The following TK1 variants were observed in gnomAD, a reference collection of about 807,000 sequenced individuals.
TK1 encodes the protein thymidine kinase 1, also known as thymidine kinase, cytosolic.
TK1 carries 13 observed loss-of-function variants against 22.4 expected under a neutral mutation model. The ratio of observed to expected loss-of-function variants is 0.58; its 90% CI spans 0.38 to 0.92. The LOEUF is 0.92. Ranked by LOEUF, TK1 falls within the 40% of genes least tolerant of loss-of-function variation. TK1 has a pLI of 0.00. For synonymous variants in TK1, 134 were observed against 125.4 expected (o/e 1.07, Z -0.46); for missense variants, 251 against 315.7 (o/e 0.80, Z 1.55).
intron 4 of TK1, among the ~76,000 whole-genome samples, chr17:78,180,272 G>A (rs868263609): frequency 1.7e-4 from 26 of 152,206 alleles, no homozygotes; most frequent in African/African-American, 5.1e-4. Context: ...AAGCCGCCTC[G>A]TGGGCGGCCT....
At chr17:78,182,384 A>AG (rs972638335) in intron 4 of TK1, among the ~76,000 whole-genome samples, 1 of 152,076 alleles carries the variant, frequency 6.6e-6, no homozygotes, top group Non-Finnish European at 1.5e-5. Flanking sequence ...AAAAAAAAAA[A>AG]AAAAAGTAAA....
In TK1 at chr17:78,182,626, AG is replaced by A; in HGVS notation, c.265del (p.Leu89TrpfsTer6). 1 of 1,596,208 alleles carries A rather than the reference AG, an allele frequency of 6.3e-7. No individual in the cohort carries two copies. The highest frequency in any genetic ancestry group is 8.5e-7 in the Non-Finnish European group (1 of 1,172,438). On this transcript the variant is annotated frameshift_variant, in exon 4 of 7. Coordinates refer to ENST00000301634, the MANE Select transcript of TK1 (RefSeq NM_003258.5). LOFTEE classifies it high-confidence loss of function. ...CLLRDVAQEA[L>X]GVAVIGIDEG... The stretch of plus-strand genomic sequence containing the variant: ...GTCGATGCCTATGACAGCCACGCCC[AG>A]GGCCTCCTGGGCCACGTCTCGGAGC...
chr17:78,183,560 G>A (rs1052724699), intron 3 of TK1, among the ~76,000 whole-genome samples: 1 of 152,078 alleles, frequency 6.6e-6, no homozygotes, highest in African/African-American at 2.4e-5. Context: ...GTGTGGTGGT[G>A]TGCGCCTGTA....
intron 4 of TK1, chr17:78,179,484 A>G: frequency 1.0e-6 from 1 of 985,432 alleles, no homozygotes; most frequent in Non-Finnish European, 1.2e-6. Context: ...GTGGTCGGGA[A>G]CCCAGAGCGG....
At chr17:78,181,372 C>T (rs183303259) in intron 4 of TK1, among the ~76,000 whole-genome samples, 469 of 152,126 alleles carry the variant, frequency 3.1e-3, no homozygotes, top group Admixed American at 7.7e-3. Flanking sequence ...ACATGGTGAA[C>T]CCTTGTCTCT....
intron 2 of TK1, 137 bp from the exon 3 acceptor site, chr17:78,185,302 C>G: frequency 1.6e-6 from 1 of 642,838 alleles, no homozygotes; most frequent in Non-Finnish European, 2.8e-6. Context: ...AAGAGCAGGG[C>G]AGAGCAGGCA....
rs760056268 is a variant in TK1 at position 78,174,819 on chromosome 17, G to A, written c.645C>T (p.Ala215=). The A allele has an allele frequency of 4.3e-6, 7 of 1,613,012 alleles. No homozygotes were observed. The highest frequency in any genetic ancestry group is 2.2e-5 in the East Asian group (1 of 44,868). The part of the protein sequence containing the change: ...NCPVPGKPGE[A]VAARKLFAPQ... ...GGGCAAAGAGCTTCCTGGCAGCCAC[G>A]GCTTCCCCTGGCTTTCCTGGCACTG... Residue 215 remains alanine (A), a synonymous_variant, in exon 7 of 7, where the codon GCC becomes GCT. Transcript: ENST00000301634.
At chr17:78,181,547 A>G (rs940391751) in intron 4 of TK1, among the ~76,000 whole-genome samples, 5 of 151,850 alleles carry the variant, frequency 3.3e-5, no homozygotes, top group Non-Finnish European at 5.9e-5. Flanking sequence ...CAAAAAAAAA[A>G]AAAAAACCCA....
In TK1 at chr17:78,174,525, C is replaced by T. The variant is rs951320514; in HGVS notation, c.*234G>A. ...CCAGGCCACCAAGCGGGGCCAGCTC[C>T]AGCCTGGGCGATCGTCCCAGCAGCT... On this transcript the variant is annotated 3_prime_UTR_variant, in exon 7 of 7. Coordinates refer to ENST00000301634, the MANE Select transcript of TK1 (RefSeq NM_003258.5). The T allele has an allele frequency of 1.8e-5, 10 of 556,196 alleles. No individual in the cohort carries two copies. Among genetic ancestry groups the T allele is most frequent in the Admixed American group, 6.9e-5 (2 of 29,030 alleles). 34.5% of individuals were successfully genotyped at this position (556,196 alleles called of 1,614,324 possible).
chr17:78,176,366 G>C (rs957554537), intron 4 of TK1, among the ~76,000 whole-genome samples: 8 of 152,074 alleles, frequency 5.3e-5, no homozygotes, highest in Admixed American at 1.3e-4. Context: ...CTTTGGGTTG[G>C]GTGAAGCAGG....
At chr17:78,180,360 C>T (rs1327051793) in intron 4 of TK1, among the ~76,000 whole-genome samples, 1 of 152,234 alleles carries the variant, frequency 6.6e-6, no homozygotes, top group African/African-American at 2.4e-5. Context: ...ATCAAACCAC[C>T]ACATTGTGTA....
intron 4 of TK1, chr17:78,179,599 T>C: frequency 7.1e-6 from 7 of 985,366 alleles, no homozygotes; most frequent in Non-Finnish European, 8.4e-6. Flanking sequence ...ATACAGAATG[T>C]TGGGCAAGAA....
chr17:78,186,049 C>T (rs140612922), intron 2 of TK1, among the ~76,000 whole-genome samples: 1 of 151,914 alleles, frequency 6.6e-6, no homozygotes, highest in African/African-American at 2.4e-5. Context: ...TTGCTTGAGA[C>T]CAGGAGTTCA....
chr17:78,175,219 G>GTTTTTTTTTTTTTTTTTTTT, intron 5 of TK1, 50 bp from the exon 6 acceptor site: 5 of 1,574,978 alleles, frequency 3.2e-6, no homozygotes, highest in East Asian at 2.3e-5. Context: ...TACCAGGTGG[G>GTTTTTTTTTTTTTTTTTTTT]TTTTTCTTTT....
chr17:78,174,567 G>C lies in TK1; in HGVS notation c.*192C>G. ...CCAGCAGCTGAGAGGGAAGCTTTAA[G>C]CAGACCAGTGGGTAGGAGAGGAGGG... On this transcript the variant is annotated 3_prime_UTR_variant, in exon 7 of 7. Transcript: ENST00000301634. 1 of 661,086 alleles carries C rather than the reference G, an allele frequency of 1.5e-6. No homozygotes were observed. Among genetic ancestry groups the C allele is most frequent in the South Asian group, 2.0e-5 (1 of 50,764 alleles). 41.0% of individuals were successfully genotyped at this position (661,086 alleles called of 1,614,324 possible).
In TK1 at chr17:78,187,036, C is replaced by T; in HGVS notation, c.-42G>A. The T allele has an allele frequency of 2.5e-6, 4 of 1,580,720 alleles. No homozygotes were observed. The highest frequency in any genetic ancestry group is 3.4e-6 in the Non-Finnish European group (4 of 1,160,472). On this transcript the variant is annotated 5_prime_UTR_variant, in exon 1 of 7. Transcript: ENST00000301634. ...TCACGAACCCGAGTACTCTCCAAGG[C>T]CGTCCCGCAGTAAGCCCCTGGTTCC... is the stretch of plus-strand genomic sequence containing the variant.
intron 4 of TK1, among the ~76,000 whole-genome samples, chr17:78,178,260 A>T (rs2075714958): frequency 6.6e-6 from 1 of 152,192 alleles, no homozygotes; most frequent in African/African-American, 2.4e-5. Context: ...TGTTGATGCA[A>T]GGGTGCCCAC....
intron 4 of TK1, chr17:78,179,309 C>T: frequency 2.9e-5 from 29 of 985,458 alleles, no homozygotes; most frequent in Non-Finnish European, 3.4e-5. Context: ...AGCTGCAGCC[C>T]TATTCCCAGC....
intron 1 of TK1, 53 bp from the exon 2 acceptor site, chr17:78,186,871 C>T: frequency 6.4e-7 from 1 of 1,566,832 alleles, no homozygotes; most frequent in Non-Finnish European, 8.6e-7. Context: ...GATGCCTGGA[C>T]ACAGGCTATC....
Sources: allele counts gnomAD v4.1 joint callset (sites outside exome capture counted in the v4.1 genomes callset), GRCh38; gene constraint gnomAD v4.1.1; transcripts MANE v1.5; gene names NCBI Gene and HGNC (gene_info 2026-07-23, HGNC 2026-07-21).